Variants in ARPC2 observed in about 807,000 individuals in gnomAD.
ARPC2 encodes actin-related protein 2/3 complex subunit 2.
A neutral mutation model predicts 38.6 loss-of-function variants in ARPC2; 4 were observed. That is an observed-to-expected ratio of 0.10 (90% CI 0.05 to 0.24). The LOEUF is 0.24. Among genes scored for constraint, ARPC2 ranks in the 10% least tolerant of loss-of-function variants. The pLI is 1.00. For synonymous variants in ARPC2, 125 were observed against 140.8 expected (o/e 0.89, Z 0.79); for missense variants, 229 against 387.3 (o/e 0.59, Z 3.43).
chr2:218,234,059 C>T (rs1428033312), intron 4 of ARPC2: 1 of 221,800 alleles, frequency 4.5e-6, no homozygotes, highest in Non-Finnish European at 8.8e-6. Flanking sequence ...ATCCCAGCTA[C>T]TTGGGAGGCT....
intron 10 of ARPC2, among the ~76,000 whole-genome samples, chr2:218,250,606 G>A (rs942667019): frequency 3.3e-5 from 5 of 150,750 alleles, no homozygotes; most frequent in Non-Finnish European, 7.4e-5. Flanking sequence ...AGAGGTCGCA[G>A]TGAGCCAAGA....
At position 218,217,198 on chromosome 2, in the gene ARPC2, G is replaced by A; in HGVS notation, c.-65G>A. 1 of 443,892 alleles carries A rather than the reference G, an allele frequency of 2.3e-6. No homozygotes were observed. Among genetic ancestry groups the A allele is most frequent in the South Asian group, 2.8e-5 (1 of 35,274 alleles). The allele number at this position is 443,892 out of a possible 1,614,324, so 27.5% of individuals were successfully genotyped here. A position where few individuals can be genotyped will look rare whatever the true frequency, so the allele number is the denominator to read the frequency against. On this transcript the variant is annotated 5_prime_UTR_variant, in exon 1 of 11. Coordinates refer to ENST00000315717, the MANE Select transcript of ARPC2 (RefSeq NM_152862.3). ...GGCGGGGACCGGGCTTGTCGGTGAA[G>A]CGGCAGTGGCGGCGGCGGCGGCGGC...
chr2:218,220,807 T>C (rs1387461989), intron 2 of ARPC2, among the ~76,000 whole-genome samples: 1 of 152,200 alleles, frequency 6.6e-6, no homozygotes, highest in Non-Finnish European at 1.5e-5. Flanking sequence ...GATTGCTTTT[T>C]AATTTTTTCC....
chr2:218,218,488 A>G (rs1689311624), intron 2 of ARPC2, among the ~76,000 whole-genome samples: 1 of 152,246 alleles, frequency 6.6e-6, no homozygotes, highest in Non-Finnish European at 1.5e-5. Flanking sequence ...CTTTTCTAGT[A>G]TAATATTTAA....
intron 3 of ARPC2, among the ~76,000 whole-genome samples, chr2:218,227,674 T>C (rs1378864546): frequency 6.6e-6 from 1 of 151,338 alleles, no homozygotes; most frequent in Admixed American, 6.6e-5. Flanking sequence ...CACTGCAACC[T>C]CCACCCCCCG....
At chr2:218,250,132 A>G (rs746408737) in intron 10 of ARPC2, among the ~76,000 whole-genome samples, 2 of 152,202 alleles carry the variant, frequency 1.3e-5, no homozygotes, top group Non-Finnish European at 2.9e-5. Flanking sequence ...TTTGTGAGCT[A>G]TGAGAATGGC....
At chr2:218,236,993 T>C (rs1220525642) in intron 5 of ARPC2, among the ~76,000 whole-genome samples, 1 of 152,160 alleles carries the variant, frequency 6.6e-6, no homozygotes, top group African/African-American at 2.4e-5. Context: ...TTATTAATCA[T>C]TTGATTCTAT....
At chr2:218,229,366 T>C (rs1261317626) in intron 4 of ARPC2, 1 of 152,512 alleles carries the variant, frequency 6.6e-6, no homozygotes, top group Non-Finnish European at 1.5e-5. Flanking sequence ...TGGCCATGCC[T>C]TGTTCACTGG....
chr2:218,235,251 C>T, intron 5 of ARPC2: 1 of 165,922 alleles, frequency 6.0e-6, no homozygotes, highest in Non-Finnish European at 1.3e-5. Flanking sequence ...TAGCTCACTG[C>T]AGCCTCCTCC....
chr2:218,230,686 C>T (rs1357803548), intron 4 of ARPC2, among the ~76,000 whole-genome samples: 1 of 152,018 alleles, frequency 6.6e-6, no homozygotes, highest in Non-Finnish European at 1.5e-5. Context: ...TAATCATTCT[C>T]CCCTAGACAG....
intron 7 of ARPC2, among the ~76,000 whole-genome samples, chr2:218,242,389 A>G (rs1488141286): frequency 6.6e-6 from 1 of 152,236 alleles, no homozygotes; most frequent in Non-Finnish European, 1.5e-5. Flanking sequence ...AACCAGGAAA[A>G]GTTAAGTGGA....
intron 2 of ARPC2, among the ~76,000 whole-genome samples, chr2:218,224,446 C>T (rs1193808848): frequency 6.6e-6 from 1 of 152,304 alleles, no homozygotes; most frequent in East Asian, 1.9e-4. Context: ...ATTGGTCATC[C>T]TCTTAATATT....
chr2:218,246,550 T>C (rs1690037035), intron 8 of ARPC2, among the ~76,000 whole-genome samples: 1 of 151,200 alleles, frequency 6.6e-6, no homozygotes, highest in Non-Finnish European at 1.5e-5. Flanking sequence ...AAGAAAAGAG[T>C]AAAGGATAGG....
chr2:218,244,396 T>A (rs770837765), intron 7 of ARPC2, among the ~76,000 whole-genome samples: 6 of 152,216 alleles, frequency 3.9e-5, no homozygotes, highest in Non-Finnish European at 7.3e-5. Context: ...CCTTGCCTAT[T>A]CCTGTACAGT....
At chr2:218,238,965 C>A in intron 6 of ARPC2, 115 bp downstream of exon 6, 1 of 881,110 alleles carries the variant, frequency 1.1e-6, no homozygotes, top group Non-Finnish European at 1.7e-6. Flanking sequence ...AAATGTTTTT[C>A]TCATAAAATG....
intron 7 of ARPC2, among the ~76,000 whole-genome samples, chr2:218,243,118 A>G (rs1461966630): frequency 6.6e-6 from 1 of 152,168 alleles, no homozygotes. Flanking sequence ...TTATTTGTTG[A>G]GAGCTCCTCT....
intron 5 of ARPC2, 64 bp downstream of exon 5, chr2:218,234,461 CT>C: frequency 5.6e-6 from 7 of 1,247,876 alleles, no homozygotes; most frequent in Non-Finnish European, 8.0e-6. Flanking sequence ...TTATATTATG[CT>C]TTTTTTACCC....
At chr2:218,224,064 T>C (rs1689441352) in intron 2 of ARPC2, among the ~76,000 whole-genome samples, 1 of 152,204 alleles carries the variant, frequency 6.6e-6, no homozygotes, top group Admixed American at 6.5e-5. Flanking sequence ...TAGCCATAAA[T>C]AGTAAACTAA....
chr2:218,230,931 C>T (rs1689619717), intron 4 of ARPC2, among the ~76,000 whole-genome samples: 1 of 152,166 alleles, frequency 6.6e-6, no homozygotes, highest in Non-Finnish European at 1.5e-5. Context: ...ATCTCCTTTC[C>T]ATTCTGTGCT....
Sources: allele counts gnomAD v4.1 joint callset (sites outside exome capture counted in the v4.1 genomes callset), GRCh38; gene constraint gnomAD v4.1.1; transcripts MANE v1.5; gene names NCBI Gene and HGNC (gene_info 2026-07-23, HGNC 2026-07-21).